AGXT2: variants seen among roughly 807,000 people sequenced by gnomAD.
The protein encoded by AGXT2 is alanine--glyoxylate aminotransferase 2, mitochondrial.
A neutral mutation model predicts 62.5 loss-of-function variants in AGXT2; 61 were observed. The observed-to-expected ratio is 0.98, with a 90% CI of 0.79 to 1.21. The LOEUF (loss-of-function observed/expected upper bound fraction) is 1.21. Ranked by LOEUF, AGXT2 falls within the 50% of genes most tolerant of loss-of-function variation. AGXT2 has a pLI of 0.00. For missense variants in AGXT2, 666 were observed against 641.5 expected (o/e 1.04, Z -0.41); for synonymous variants, 243 against 218.7 (o/e 1.11, Z -0.98).
At chr5:35,017,378 A>G (rs545039996) in intron 9 of AGXT2, among the ~76,000 whole-genome samples, 4 of 152,210 alleles carry the variant, frequency 2.6e-5, no homozygotes, top group Non-Finnish European at 5.9e-5. Context: ...CTCATCATGA[A>G]TTGTAGCTCC....
At chr5:35,037,297 T>G (rs1351094607) in intron 3 of AGXT2, among the ~76,000 whole-genome samples, 1 of 152,190 alleles carries the variant, frequency 6.6e-6, no homozygotes, top group African/African-American at 2.4e-5. Context: ...GGAGACTCAT[T>G]GATTACAAGG....
chr5:35,024,615 A>G (rs1323211063), intron 9 of AGXT2, among the ~76,000 whole-genome samples: 1 of 152,202 alleles, frequency 6.6e-6, no homozygotes, highest in Non-Finnish European at 1.5e-5. Context: ...TTTCAAATGC[A>G]GTACCTGCAG....
intron 12 of AGXT2, among the ~76,000 whole-genome samples, chr5:35,009,231 C>T (rs185877970): frequency 1.3e-4 from 19 of 151,430 alleles, no homozygotes; most frequent in Admixed American, 2.6e-4. Context: ...AATCCATTCA[C>T]AAGTAACAAC....
At chr5:35,044,213 A>G (rs1768098196) in intron 1 of AGXT2, among the ~76,000 whole-genome samples, 1 of 152,164 alleles carries the variant, frequency 6.6e-6, no homozygotes, top group African/African-American at 2.4e-5. Context: ...ACTGCCTCCC[A>G]TGGAGGCCTG....
chr5:35,013,845 G>C, intron 10 of AGXT2, 142 bp downstream of exon 10: 1 of 1,250,014 alleles, frequency 8.0e-7, no homozygotes, highest in South Asian at 1.2e-5. Context: ...CAGACAGACT[G>C]TTTCTCTCTT....
In AGXT2 at chr5:35,012,944, T is replaced by C. The variant is rs1275276701; in HGVS notation, c.1188+10A>G. ...AAATGAGTGAGGTTAATGTGGCCGC[T>C]GGAACCAACCTCAAGCACAGCAGAT... On this transcript the variant is annotated intron_variant, in intron 11 of 13. Coordinates refer to ENST00000231420, the MANE Select transcript of AGXT2 (RefSeq NM_031900.4). 4 of 1,551,612 alleles carry C rather than the reference T, an allele frequency of 2.6e-6. No homozygotes were observed. Among genetic ancestry groups the C allele is most frequent in the Non-Finnish European group, 3.5e-6 (4 of 1,146,862 alleles).
intron 3 of AGXT2, 143 bp downstream of exon 3, chr5:35,039,181 A>T: frequency 1.0e-6 from 1 of 984,078 alleles, no homozygotes; most frequent in South Asian, 1.4e-5. Context: ...TGTACTCAGG[A>T]AATAGCAGGG....
intron 9 of AGXT2, among the ~76,000 whole-genome samples, chr5:35,020,753 G>A (rs910104657): frequency 6.6e-6 from 1 of 152,122 alleles, no homozygotes; most frequent in East Asian, 1.9e-4. Context: ...GAAATAAAGG[G>A]TATTCAATAG....
intron 1 of AGXT2, among the ~76,000 whole-genome samples, chr5:35,042,006 C>G (rs999909363): frequency 1.3e-5 from 2 of 152,126 alleles, no homozygotes; most frequent in Admixed American, 6.5e-5. Flanking sequence ...CATTGTGTCT[C>G]TCTGCATTCG....
At position 35,014,103 on chromosome 5, in the gene AGXT2, C is replaced by T. The variant is rs778805554; in HGVS notation, c.980G>A (p.Gly327Glu). Residue 327 changes from glycine (G) to glutamate (E), a missense_variant, in exon 10 of 14, where the codon GGA becomes GAA. Transcript: ENST00000231420. ...GCCCCAGAAGTGAGAGCCCAACCTT[C>T]CAAATCCTGTCTGCACCTGGGAAAA... Reference protein sequence around the residue: ...CIADEVQTGFGRLGSHFWGFQ... With the variant: ...CIADEVQTGFERLGSHFWGFQ... The T allele has an allele frequency of 6.2e-7, 1 of 1,614,100 alleles. No individual in the cohort carries two copies. Among genetic ancestry groups the T allele is most frequent in the Non-Finnish European group, 8.5e-7 (1 of 1,180,010 alleles).
chr5:35,033,505 TAC>T lies in AGXT2; in HGVS notation c.628_629del (p.Val210ArgfsTer52). 1 of 1,613,818 alleles carries T rather than the reference TAC, an allele frequency of 6.2e-7. No homozygotes were observed. The highest frequency in any genetic ancestry group is 8.5e-7 in the Non-Finnish European group (1 of 1,179,724). ...CSPYTLGLTN[V>X]GTYKMELPGG... ...CAGGGAGTTCCATCTTGTAGGTCCC[TAC>T]GTTTGTCAAGCCAAGTGTGTAAGGA... is the stretch of plus-strand genomic sequence containing the variant. On this transcript the variant is annotated frameshift_variant, in exon 6 of 14. Coordinates refer to ENST00000231420, the MANE Select transcript of AGXT2 (RefSeq NM_031900.4). LOFTEE classifies it high-confidence loss of function.
intron 7 of AGXT2, among the ~76,000 whole-genome samples, chr5:35,028,481 C>A (rs1767440173): frequency 6.6e-6 from 1 of 151,084 alleles, no homozygotes; most frequent in Non-Finnish European, 1.5e-5. Context: ...GATTGCCCAG[C>A]AGACTTGCCC....
At chr5:35,026,829 T>A in intron 7 of AGXT2, 1 of 984,756 alleles carries the variant, frequency 1.0e-6, no homozygotes, top group Non-Finnish European at 1.2e-6. Context: ...CTGTTTCACC[T>A]AAGGATGCCC....
chr5:35,047,083 G>A (rs1768246704), intron 1 of AGXT2, among the ~76,000 whole-genome samples: 2 of 152,206 alleles, frequency 1.3e-5, no homozygotes, highest in Admixed American at 6.5e-5. Flanking sequence ...TGGCAATTGA[G>A]AGCGTGGTCT....
chr5:35,039,207 A>G, intron 3 of AGXT2, 117 bp downstream of exon 3: 1 of 1,215,840 alleles, frequency 8.2e-7, no homozygotes, highest in East Asian at 2.3e-5. Context: ...GTCAGCCACA[A>G]TCTGTCATAG....
chr5:35,033,306 C>A, intron 6 of AGXT2, 154 bp downstream of exon 6: 1 of 689,714 alleles, frequency 1.4e-6, no homozygotes, highest in Admixed American at 2.1e-5. Flanking sequence ...TAATGGTGTC[C>A]TCAAGTGGTC....
Position 35,003,780 on chromosome 5 carries a change from CT to C in AGXT2, c.1419del (p.Gly474AlafsTer25). 1 of 1,614,150 alleles carries C rather than the reference CT, an allele frequency of 6.2e-7. No individual in the cohort carries two copies. Among genetic ancestry groups the C allele is most frequent in the African/African-American group, 1.3e-5 (1 of 75,022 alleles). On this transcript the variant is annotated frameshift_variant, in exon 13 of 14. Transcript: ENST00000231420. LOFTEE classifies it high-confidence loss of function. ...DCKHMGLLVG[R>X]GSIFSQTFRI... ...TCTCTTACCTGAGAAAAAATGCTGC[CT>C]CTGCCAACGAGGAGTCCCATGTGCT...
At chr5:35,001,932 C>G (rs1390204783) in intron 13 of AGXT2, among the ~76,000 whole-genome samples, 1 of 152,080 alleles carries the variant, frequency 6.6e-6, no homozygotes, top group African/African-American at 2.4e-5. Context: ...AGGACCAGAT[C>G]TTATTTATCA....
chr5:35,025,691 A>G, intron 9 of AGXT2, 72 bp downstream of exon 9: 3 of 1,476,328 alleles, frequency 2.0e-6, no homozygotes, highest in Non-Finnish European at 2.8e-6. Context: ...AACACAGAGG[A>G]AGTTTAGGAG....
Sources: allele counts gnomAD v4.1 joint callset (sites outside exome capture counted in the v4.1 genomes callset), GRCh38; gene constraint gnomAD v4.1.1; transcripts MANE v1.5; gene names NCBI Gene and HGNC (gene_info 2026-07-23, HGNC 2026-07-21).